ALK: variants seen among roughly 807,000 people sequenced by gnomAD.
ALK encodes ALK tyrosine kinase receptor.
ALK carries 74 observed loss-of-function variants against 163.1 expected under a neutral mutation model. That is an observed-to-expected ratio of 0.45 (90% confidence interval 0.38 to 0.55). The LOEUF (loss-of-function observed/expected upper bound fraction) is 0.55, where lower values mean the gene tolerates loss of function less well. ALK is among the 20% of genes least tolerant of loss of function. The pLI, the probability that ALK is intolerant of heterozygous loss-of-function variation, is 0.00. For synonymous variants in ALK, 960 were observed against 843.2 expected (o/e 1.14, Z -2.40); for missense variants, 2,063 against 2,105.3 (o/e 0.98, Z 0.39).
In ALK at chr2:29,920,302, C is replaced by T. The variant is rs1371439281; in HGVS notation, c.358G>A (p.Ala120Thr). The T allele has an allele frequency of 1.9e-6, 3 of 1,563,812 alleles. No homozygotes were observed. Among genetic ancestry groups the T allele is most frequent in the East Asian group, 2.4e-5 (1 of 42,060 alleles). The change falls in exon 1 of 29, where the codon GCC (alanine) becomes ACC (threonine). Residue 120 changes from alanine to threonine, a missense_variant. Physicochemically the swap from Ala to Thr is moderately conservative, Grantham distance 58. Transcript: ENST00000389048. ...WTAGSPAPAEARTLSRVLKGG... is the reference protein window; with the variant it reads ...WTAGSPAPAETRTLSRVLKGG... ...TTCAGCACCCTGGACAGCGTCCGGG[C>T]CTCTGCCGGGGCTGGTGAACCGGCG...
At chr2:29,196,679 C>T (rs1285801799) in intron 28 of ALK, 91 bp downstream of exon 28, 7 of 935,268 alleles carry the variant, frequency 7.5e-6, no homozygotes, top group Non-Finnish European at 1.2e-5. Context: ...TGTACTCTGA[C>T]TGGCTTGACC....
intron 9 of ALK, among the ~76,000 whole-genome samples, chr2:29,295,307 A>G (rs1281496798): frequency 6.6e-6 from 1 of 152,194 alleles, no homozygotes; most frequent in Non-Finnish European, 1.5e-5. Flanking sequence ...TAGCTATGAA[A>G]GAGAGAAGAC....
intron 1 of ALK, among the ~76,000 whole-genome samples, chr2:29,831,936 A>G (rs1183612291): frequency 6.6e-6 from 1 of 152,222 alleles, no homozygotes; most frequent in African/African-American, 2.4e-5. Context: ...TTAGAAAAGT[A>G]GGGATTTCAC....
At chr2:29,503,597 G>C (rs562793523) in intron 4 of ALK, among the ~76,000 whole-genome samples, 2 of 152,288 alleles carry the variant, frequency 1.3e-5, no homozygotes, top group East Asian at 3.9e-4. Flanking sequence ...ACCTGGAAAT[G>C]CTTTAGAGAG....
At chr2:29,602,431 G>C (rs1363713236) in intron 3 of ALK, among the ~76,000 whole-genome samples, 1 of 152,144 alleles carries the variant, frequency 6.6e-6, no homozygotes, top group East Asian at 1.9e-4. Context: ...ACATGAGTAG[G>C]GCTGATCTGG....
intron 3 of ALK, among the ~76,000 whole-genome samples, chr2:29,692,445 G>A (rs144211674): frequency 0.011 from 1,747 of 152,274 alleles, 22 homozygotes; most frequent in Non-Finnish European, 0.015. Context: ...TTTTTCCACG[G>A]ATGGTTTTGG....
intron 1 of ALK, among the ~76,000 whole-genome samples, chr2:29,756,697 T>C (rs1680542990): frequency 6.6e-6 from 1 of 152,120 alleles, no homozygotes; most frequent in South Asian, 2.1e-4. Context: ...TGGCTAATTA[T>C]TGTATTTTTA....
intron 3 of ALK, among the ~76,000 whole-genome samples, chr2:29,546,491 G>C (rs1162797312): frequency 1.3e-5 from 2 of 152,184 alleles, no homozygotes; most frequent in African/African-American, 2.4e-5. Context: ...AATTCAATGA[G>C]AAACAGGAGG....
rs764304191 is a variant in ALK, at chr2:29,193,272, C to T, written c.4815G>A (p.Glu1605=). 3 of 1,614,034 alleles carry T rather than the reference C, an allele frequency of 1.9e-6. No individual in the cohort carries two copies. The highest frequency in any genetic ancestry group is 2.7e-5 in the African/African-American group (2 of 74,916). ...AATAPGAGHY[E]DTILKSKNSM... is the part of the protein sequence containing the mutation. ...TATTCTTGCTTTTCAGAATGGTATC[C>T]TCGTAATGACCAGCTCCAGGGGCAG... Residue 1605 remains glutamate, a synonymous_variant, in exon 29 of 29, where the codon GAG becomes GAA. Transcript: ENST00000389048.
chr2:29,233,343 G>A (rs909507809), intron 14 of ALK, among the ~76,000 whole-genome samples: 7 of 152,030 alleles, frequency 4.6e-5, no homozygotes, highest in African/African-American at 1.7e-4. Context: ...ACAACGTTTT[G>A]GTATGTTGCC....
At chr2:29,302,010 G>GA (rs1325434881) in intron 8 of ALK, among the ~76,000 whole-genome samples, 1 of 152,176 alleles carries the variant, frequency 6.6e-6, no homozygotes, top group Non-Finnish European at 1.5e-5. Flanking sequence ...TGCCCTCATG[G>GA]AGCTTATCAT....
intron 4 of ALK, among the ~76,000 whole-genome samples, chr2:29,507,221 G>T (rs114819018): frequency 6.6e-6 from 1 of 152,150 alleles, no homozygotes; most frequent in Non-Finnish European, 1.5e-5. Context: ...TCTGACACAC[G>T]TTACAATATG....
intron 23 of ALK, among the ~76,000 whole-genome samples, chr2:29,217,074 G>A (rs13001758): frequency 6.9e-6 from 1 of 144,664 alleles, no homozygotes; most frequent in African/African-American, 2.6e-5. Context: ...TGTATGTGTA[G>A]TGTATGTAAG....
chr2:29,810,389 T>G (rs1664726689), intron 1 of ALK, among the ~76,000 whole-genome samples: 2 of 143,924 alleles, frequency 1.4e-5, no homozygotes, highest in Admixed American at 1.4e-4. Context: ...ACCATTTCAC[T>G]CTAGCCTGGG....
chr2:29,295,647 G>A (rs897267064), intron 9 of ALK, among the ~76,000 whole-genome samples: 2 of 152,192 alleles, frequency 1.3e-5, no homozygotes, highest in African/African-American at 2.4e-5. Flanking sequence ...ATGAGCTCTT[G>A]GACATAGCAG....
At chr2:29,665,022 A>T (rs1677472220) in intron 3 of ALK, among the ~76,000 whole-genome samples, 3 of 134,208 alleles carry the variant, frequency 2.2e-5, no homozygotes, top group Non-Finnish European at 3.1e-5. Context: ...TTTTTTTGAG[A>T]CCTGCTCTCA....
intron 4 of ALK, among the ~76,000 whole-genome samples, chr2:29,460,972 A>C (rs72792493): frequency 0.069 from 10,575 of 152,270 alleles, 507 homozygotes; most frequent in Non-Finnish European, 0.11. Flanking sequence ...TTTAATAAAA[A>C]GTGTTACTCA....
chr2:29,650,069 C>T (rs1341910129), intron 3 of ALK, among the ~76,000 whole-genome samples: 1 of 152,118 alleles, frequency 6.6e-6, no homozygotes, highest in East Asian at 1.9e-4. Flanking sequence ...GAGTTTCAGA[C>T]CCCTGACTCT....
chr2:29,415,031 T>G (rs988362060), intron 4 of ALK, among the ~76,000 whole-genome samples: 1 of 151,442 alleles, frequency 6.6e-6, no homozygotes, highest in Admixed American at 6.6e-5. Flanking sequence ...TGCACACACA[T>G]GCACAGATAT....
Sources: gnomAD v4.1 joint callset for allele counts (sites outside exome capture counted in the v4.1 genomes callset) on GRCh38, gnomAD v4.1.1 for gene constraint, MANE v1.5 for transcripts, NCBI Gene and HGNC (gene_info 2026-07-23, HGNC 2026-07-21) for gene names.